The following AK1 variants were observed in gnomAD, a reference collection of about 807,000 sequenced individuals.
AK1 encodes adenylate kinase isoenzyme 1.
In AK1, 13 loss-of-function variants were observed where a neutral mutation model predicts 23.9. The ratio of observed to expected loss-of-function variants is 0.54; its 90% CI spans 0.35 to 0.86. The LOEUF (loss-of-function observed/expected upper bound fraction) is 0.86. Among genes scored for constraint, AK1 ranks in the 40% least tolerant of loss-of-function variants. The pLI is 0.01. For synonymous variants in AK1, 97 were observed against 102.8 expected, an observed-to-expected ratio of 0.94 and a Z score of 0.34; for missense variants, 214 against 255.1, an observed-to-expected ratio of 0.84 and a Z score of 1.10.
Position 127,877,016 on chromosome 9 carries a change from T to A in AK1, c.-33+607A>T, listed in dbSNP as rs1415037785. On this transcript the variant is annotated intron_variant, in intron 1 of 6. Transcript: ENST00000644144. This position sits in a 1 kb window ranked among gnomAD's most constrained non-coding sequence, Gnocchi z 5.2. Reference sequence around the variant, plus strand: ...GACTAGGGTTCGAATCCCAGCTCCATCACTCAGCTGTGTGACCTTGGGCAG... The same window carrying A: ...GACTAGGGTTCGAATCCCAGCTCCAACACTCAGCTGTGTGACCTTGGGCAG... Among the ~76,000 whole-genome samples, 1 of 152,170 alleles carries A rather than the reference T, an allele frequency of 6.6e-6. No homozygotes were observed. The highest frequency in any genetic ancestry group is 1.5e-5 in the Non-Finnish European group (1 of 68,012).
chr9:127,871,974 C>A lies in AK1; in HGVS notation c.208-35G>T. 2 of 1,556,172 alleles carry A rather than the reference C, an allele frequency of 1.3e-6. No homozygotes were observed. The highest frequency in any genetic ancestry group is 1.8e-6 in the Non-Finnish European group (2 of 1,128,076). Reference sequence around the variant, plus strand: ...AGCAAAGGAGGAAGGGGCCATGAGCCTCTCCTCCCCATCCCTTCTCCCAGC... The same window carrying A: ...AGCAAAGGAGGAAGGGGCCATGAGCATCTCCTCCCCATCCCTTCTCCCAGC... On this transcript the variant is annotated intron_variant, in intron 4 of 6. Coordinates refer to ENST00000644144, the MANE Select transcript of AK1 (RefSeq NM_000476.3). The surrounding 1 kb of genome is among the most constrained non-coding windows in gnomAD (Gnocchi z 4.4).
At chr9:127,869,051 G>C (rs977765613) in intron 5 of AK1, among the ~76,000 whole-genome samples, 1 of 152,194 alleles carries the variant, frequency 6.6e-6, no homozygotes, top group Non-Finnish European at 1.5e-5. Context: ...CAATTCTGGG[G>C]TCCTTTGACA....
chr9:127,870,829 A>ATGGGGCATGGGG lies in AK1; in HGVS notation c.324+993_324+994insCCCCATGCCCCA, dbSNP rs1564472243. On this transcript the variant is annotated intron_variant, in intron 5 of 6. Transcript: ENST00000644144. ...ACGGGGCATGGGAATGGGGCATGGGAATGGGGCATGGGGATGGGAGTCTTA... is the reference window on the plus strand; with the variant it reads ...ACGGGGCATGGGAATGGGGCATGGGATGGGGCATGGGGATGGGGCATGGGGATGGGAGTCTTA... Among the ~76,000 whole-genome samples the ATGGGGCATGGGG allele has an allele frequency of 3.3e-3, 172 of 52,604 alleles. 1 individual carries two copies. Among genetic ancestry groups the ATGGGGCATGGGG allele is most frequent in the African/African-American group, 7.3e-3 (156 of 21,360 alleles). 34.5% of individuals were successfully genotyped at this position (52,604 alleles called of 152,430 possible).
chr9:127,870,370 T>G (rs568841689), intron 5 of AK1, among the ~76,000 whole-genome samples: 18 of 152,220 alleles, frequency 1.2e-4, no homozygotes, highest in African/African-American at 4.1e-4. Flanking sequence ...GCCTGGCTAA[T>G]TTTTGTATTT....
chr9:127,875,872 A>G (rs560778466), intron 1 of AK1, among the ~76,000 whole-genome samples: 1 of 152,302 alleles, frequency 6.6e-6, no homozygotes, highest in East Asian at 1.9e-4. Flanking sequence ...GTGCTAAGTA[A>G]GGGGCCTGGG....
At chr9:127,872,083 C>T in intron 4 of AK1, 144 bp from the exon 5 acceptor site, 4 of 724,736 alleles carry the variant, frequency 5.5e-6, no homozygotes, top group Non-Finnish European at 9.9e-6. Context: ...CAGGAAGCTT[C>T]CTCGGAATTG....
intron 2 of AK1, chr9:127,874,028 T>C: frequency 2.0e-6 from 2 of 985,416 alleles, no homozygotes; most frequent in East Asian, 1.1e-4. Flanking sequence ...TGTTGATATT[T>C]GGAGCTCAGG....
At chr9:127,873,190 A>G in intron 2 of AK1, 129 bp from the exon 3 acceptor site, 2 of 1,541,750 alleles carry the variant, frequency 1.3e-6, no homozygotes, top group Non-Finnish European at 1.7e-6. Context: ...CCTGTCAGGG[A>G]GGCAGACAAG....
Position 127,870,264 on chromosome 9 carries a change from T to C in AK1, c.324+1559A>G, listed in dbSNP as rs1426188602. Among the ~76,000 whole-genome samples, 6 of 146,184 alleles carry C rather than the reference T, an allele frequency of 4.1e-5. No individual in the cohort carries two copies. The Admixed American group carries it at 4.3e-4, about 10-fold the overall frequency. ...TTGTTCAGGCTTGAGTGCAATGGCG[T>C]GATCTTGGCTCACTGCAACCTCCGT... On this transcript the variant is annotated intron_variant, in intron 5 of 6. Transcript: ENST00000644144.
Position 127,871,918 on chromosome 9 carries a change from G to A in AK1, c.229C>T (p.Arg77Trp), listed in dbSNP as rs766671097. 25 of 1,613,888 alleles carry A rather than the reference G, an allele frequency of 1.5e-5. No homozygotes were observed. Among genetic ancestry groups the A allele is most frequent in the East Asian group, 4.5e-5 (2 of 44,892 alleles). Residue 77 changes from arginine (R) to tryptophan (W), a missense_variant, in exon 5 of 7, where the codon CGG (arginine) becomes TGG (tryptophan). By Grantham distance (101) the Arg-to-Trp change is moderately radical (BLOSUM62 -3). Coordinates refer to ENST00000644144, the MANE Select transcript of AK1 (RefSeq NM_000476.3). This position sits in a 1 kb window ranked among gnomAD's most constrained non-coding sequence, Gnocchi z 4.4. ...VPLETVLDMLRDAMVAKVNTS... is the reference protein window; with the variant it reads ...VPLETVLDMLWDAMVAKVNTS... ...TTGACTTTGGCCACCATGGCATCCC[G>A]GAGCATGTCCAACACTGTCTCCTGG...
intron 1 of AK1, chr9:127,874,876 C>T: frequency 3.7e-6 from 2 of 547,238 alleles, no homozygotes; most frequent in Non-Finnish European, 6.6e-6. Flanking sequence ...CATGGCCTCA[C>T]CTGTCACAGA....
upstream of AK1, among the ~76,000 whole-genome samples, chr9:127,879,100 C>CACACAG (rs759591036): frequency 2.7e-5 from 4 of 145,856 alleles, no homozygotes; most frequent in Admixed American, 2.1e-4. Flanking sequence ...CACACACACA[C>CACACAG]AGTCTTCAAA....
chr9:127,873,653 C>T lies in AK1; in HGVS notation c.8-592G>A, dbSNP rs1829471843. ...GTGAGCTTGGCTCCAACCTCTGTCT[C>T]GTCCCGCCTGCTGTTAGATCCCAGC... On this transcript the variant is annotated intron_variant, in intron 2 of 6. Transcript: ENST00000644144. The T allele has an allele frequency of 3.6e-6, 5 of 1,392,308 alleles. No individual in the cohort carries two copies. The South Asian group carries it at 5.3e-5, about 15-fold the overall frequency. The allele number at this position is 1,392,308 out of a possible 1,614,324, so 86.2% of individuals were successfully genotyped here.
At position 127,868,532 on chromosome 9, in the gene AK1, C is replaced by T; in HGVS notation, c.325-20G>A. 6.4e-7 allele frequency: 1 copy of T among 1,562,898 alleles called. No homozygotes were observed. Among genetic ancestry groups the T allele is most frequent in the Non-Finnish European group, 8.7e-7 (1 of 1,153,680 alleles). On this transcript the variant is annotated intron_variant, in intron 5 of 6. Coordinates refer to ENST00000644144, the MANE Select transcript of AK1 (RefSeq NM_000476.3). This position sits in a 1 kb window ranked among gnomAD's most constrained non-coding sequence, Gnocchi z 4.1. ...TCCAATCTGCAGGCGGGCACCATGT[C>T]ACAGGGACCCCATTCCTGCCCCCTA...
rs1829568688 is a variant in AK1 at position 127,877,532 on chromosome 9, A to T, written c.-33+91T>A. The T allele has an allele frequency of 6.5e-6, 1 of 152,758 alleles. No individual in the cohort carries two copies. Among genetic ancestry groups the T allele is most frequent in the South Asian group, 2.1e-4 (1 of 4,852 alleles). 9.5% of individuals were successfully genotyped at this position (152,758 alleles called of 1,614,324 possible). The stretch of plus-strand genomic sequence containing the variant: ...ATACACAGCCGCACAGCCCCCAGGG[A>T]GCCCCGCACCAGCACGCCCCCGCCC... On this transcript the variant is annotated intron_variant, in intron 1 of 6. Transcript: ENST00000644144. This position sits in a 1 kb window ranked among gnomAD's most constrained non-coding sequence, Gnocchi z 5.2.
In AK1 at chr9:127,871,976, C is replaced by CT; in HGVS notation, c.208-38dup. ...CAAAGGAGGAAGGGGCCATGAGCCTCTCCTCCCCATCCCTTCTCCCAGCCT... is the reference window on the plus strand; with the variant it reads ...CAAAGGAGGAAGGGGCCATGAGCCTCTTCCTCCCCATCCCTTCTCCCAGCCT... On this transcript the variant is annotated intron_variant, in intron 4 of 6. Transcript: ENST00000644144. The surrounding 1 kb of genome is among the most constrained non-coding windows in gnomAD (Gnocchi z 4.4). The CT allele has an allele frequency of 1.3e-6, 2 of 1,541,248 alleles. No individual in the cohort carries two copies. Among genetic ancestry groups the CT allele is most frequent in the Non-Finnish European group, 9.0e-7 (1 of 1,114,398 alleles).
Position 127,867,414 on chromosome 9 carries a change from A to G in AK1, c.*594T>C, listed in dbSNP as rs55880338. 0.017 allele frequency: 2,662 copies of G among 155,546 alleles called. 35 individuals are homozygous for G. Among genetic ancestry groups the G allele is most frequent in the African/African-American group, 0.033 (1,356 of 41,594 alleles). 9.6% of individuals were successfully genotyped at this position (155,546 alleles called of 1,614,324 possible). A position where few individuals can be genotyped will look rare whatever the true frequency, so the allele number is the denominator to read the frequency against. On this transcript the variant is annotated 3_prime_UTR_variant, in exon 7 of 7. Coordinates refer to ENST00000644144, the MANE Select transcript of AK1 (RefSeq NM_000476.3). The stretch of plus-strand genomic sequence containing the variant: ...CCTCTCGCGTCAAGGAAGCCAATTC[A>G]CTACCCACTGGGCCAGCTGGCGTGG...
At position 127,871,676 on chromosome 9, in the gene AK1, C is replaced by T. The variant is rs1205374978; in HGVS notation, c.324+147G>A. The T allele has an allele frequency of 1.4e-6, 1 of 737,954 alleles. No individual in the cohort carries two copies. Among genetic ancestry groups the T allele is most frequent in the Non-Finnish European group, 2.4e-6 (1 of 411,800 alleles). The allele number at this position is 737,954 out of a possible 1,614,324, so 45.7% of individuals were successfully genotyped here. A position where few individuals can be genotyped will look rare whatever the true frequency, so the allele number is the denominator to read the frequency against. On this transcript the variant is annotated intron_variant, in intron 5 of 6. Transcript: ENST00000644144. The surrounding 1 kb of genome is among the most constrained non-coding windows in gnomAD (Gnocchi z 4.4). ...TTCTTCTACACTTCCAGAAAGTCTTCCTGGTTTTCCTCCTCACCCACACTC... is the reference window on the plus strand; with the variant it reads ...TTCTTCTACACTTCCAGAAAGTCTTTCTGGTTTTCCTCCTCACCCACACTC...
upstream of AK1, among the ~76,000 whole-genome samples, chr9:127,879,114 G>A (rs367792272): frequency 1.6e-4 from 24 of 149,944 alleles, no homozygotes; most frequent in East Asian, 2.7e-3. Flanking sequence ...CTTCAAATGC[G>A]CCCTTCTACT....
Sources: allele counts gnomAD v4.1 joint callset (sites outside exome capture counted in the v4.1 genomes callset), GRCh38; gene constraint gnomAD v4.1.1; non-coding constraint Gnocchi (gnomAD v3.1); transcripts MANE v1.5; gene names NCBI Gene and HGNC (gene_info 2026-07-23, HGNC 2026-07-21).